ELAVL1: variants seen among roughly 807,000 people sequenced by gnomAD.
The protein encoded by ELAVL1 is ELAV like RNA binding protein 1.
A neutral mutation model predicts 28.4 loss-of-function variants in ELAVL1; 1 was observed. That is an observed-to-expected ratio of 0.04 (90% CI 0.01 to 0.17). The LOEUF is 0.17. Ranked by LOEUF, ELAVL1 falls within the 10% of genes least tolerant of loss-of-function variation. The pLI, the probability that ELAVL1 is intolerant of heterozygous loss-of-function variation, is 1.00. For synonymous variants in ELAVL1, 174 were observed against 183.5 expected (o/e 0.95, Z 0.42); for missense variants, 157 against 447.2 (o/e 0.35, Z 5.85).
chr19:7,959,068 A>C lies in ELAVL1; in HGVS notation c.*4415T>G, dbSNP rs2145194014. On this transcript the variant is annotated 3_prime_UTR_variant, in exon 6 of 6. Transcript: ENST00000407627. ...TTATTCACAAGGATTAAAAAAAAAAAATAAAAAGGCAATGGGCTGATGGAA... is the reference window on the plus strand; with the variant it reads ...TTATTCACAAGGATTAAAAAAAAAACATAAAAAGGCAATGGGCTGATGGAA... The C allele has an allele frequency of 6.5e-6, 1 of 153,538 alleles. No homozygotes were observed. The highest frequency in any genetic ancestry group is 1.9e-4 in the East Asian group (1 of 5,190). The allele number at this position is 153,538 out of a possible 1,614,324, so 9.5% of individuals were successfully genotyped here. A position where few individuals can be genotyped will look rare whatever the true frequency, so the allele number is the denominator to read the frequency against.
chr19:7,980,268 C>CGGGAGGCTCAG (rs1985420365), intron 3 of ELAVL1, among the ~76,000 whole-genome samples: 1 of 152,038 alleles, frequency 6.6e-6, no homozygotes, highest in Non-Finnish European at 1.5e-5. Flanking sequence ...GCCTGGGGCA[C>CGGGAGGCTCAG]GGGAGGCTCA....
At chr19:7,988,792 G>C (rs1190233948) in intron 2 of ELAVL1, among the ~76,000 whole-genome samples, 3 of 152,250 alleles carry the variant, frequency 2.0e-5, no homozygotes, top group Non-Finnish European at 4.4e-5. Context: ...CAGATGTGGA[G>C]GAACTCCGAG....
intron 1 of ELAVL1, among the ~76,000 whole-genome samples, chr19:7,996,096 G>A (rs1985866372): frequency 6.6e-6 from 1 of 151,624 alleles, no homozygotes; most frequent in African/African-American, 2.4e-5. Context: ...CGCTGGTCTT[G>A]AATTCCTGGT....
intron 1 of ELAVL1, among the ~76,000 whole-genome samples, chr19:8,003,482 G>A (rs2081076099): frequency 6.6e-6 from 1 of 151,180 alleles, no homozygotes; most frequent in South Asian, 2.1e-4. Context: ...CACAAGGTCA[G>A]GAGATCGAGA....
chr19:7,987,158 C>T lies in ELAVL1; in HGVS notation c.172+4486G>A, dbSNP rs1220528837. On this transcript the variant is annotated intron_variant, in intron 2 of 5. Coordinates refer to ENST00000407627, the MANE Select transcript of ELAVL1 (RefSeq NM_001419.3). Reference sequence around the variant, plus strand: ...GCAGCAAGTGGGGAGAGGGGGCAGGCGCCCAGGGGTGTCCCTACCCTCTTG... The same window carrying T: ...GCAGCAAGTGGGGAGAGGGGGCAGGTGCCCAGGGGTGTCCCTACCCTCTTG... Among the ~76,000 whole-genome samples the T allele has an allele frequency of 3.4e-5, 5 of 145,168 alleles. No homozygotes were observed. The East Asian group carries it at 1.0e-3, about 30-fold the overall frequency.
intron 3 of ELAVL1, among the ~76,000 whole-genome samples, chr19:7,977,245 A>G (rs1985324396): frequency 1.3e-5 from 2 of 152,130 alleles, no homozygotes; most frequent in African/African-American, 4.8e-5. Context: ...GGATCTCACA[A>G]TGTGCTGGGG....
intron 1 of ELAVL1, chr19:8,002,162 A>T (rs1207444176): frequency 7.8e-7 from 1 of 1,275,082 alleles, no homozygotes; most frequent in East Asian, 5.6e-5. Context: ...CTTTGAACAC[A>T]CGATGTTCTC....
rs1040387326 is a variant in ELAVL1, at chr19:7,995,088, T to A, written c.-16-3257A>T. On this transcript the variant is annotated intron_variant, in intron 1 of 5. Transcript: ENST00000407627. ...ACTTTCAGTAGCAGCTCGGGACCTA[T>A]AGACTTTAATCATGAGAAACTCCAC... 5.3e-5 allele frequency among the ~76,000 whole-genome samples: 8 copies of A among 152,326 alleles called. No homozygotes were observed. The South Asian group carries it at 1.7e-3, about 32-fold the overall frequency.
chr19:7,979,217 A>G lies in ELAVL1; in HGVS notation c.276+1866T>C, dbSNP rs1985386100. Among the ~76,000 whole-genome samples, 1 of 152,234 alleles carries G rather than the reference A, an allele frequency of 6.6e-6. No homozygotes were observed. The highest frequency in any genetic ancestry group is 2.4e-5 in the African/African-American group (1 of 41,472). On this transcript the variant is annotated intron_variant, in intron 3 of 5. Transcript: ENST00000407627. The surrounding 1 kb of genome is among the most constrained non-coding windows in gnomAD (Gnocchi z 5.4). Reference sequence around the variant, plus strand: ...CTGCAGAACTAGGACAGTGGTGTGAAGCCACTGAGAAGCAGACTCTGCCGG... The same window carrying G: ...CTGCAGAACTAGGACAGTGGTGTGAGGCCACTGAGAAGCAGACTCTGCCGG...
intron 4 of ELAVL1, 129 bp downstream of exon 4, chr19:7,973,596 A>G (rs1471050280): frequency 8.3e-7 from 1 of 1,198,678 alleles, no homozygotes; most frequent in East Asian, 2.5e-5. Context: ...ACGTCTTCTC[A>G]TTTTGGTGCT....
intron 1 of ELAVL1, 53 bp from the exon 2 acceptor site, chr19:7,991,884 G>T: frequency 7.0e-7 from 1 of 1,429,964 alleles, no homozygotes; most frequent in East Asian, 2.5e-5. Context: ...TGCAGTATAT[G>T]AAGGCAAAAC....
In ELAVL1 at chr19:7,959,254, T is replaced by G. The variant is rs1438984784; in HGVS notation, c.*4229A>C. On this transcript the variant is annotated 3_prime_UTR_variant, in exon 6 of 6. Coordinates refer to ENST00000407627, the MANE Select transcript of ELAVL1 (RefSeq NM_001419.3). ...AAACAAACCCATGTAAAAACAAAGT[T>G]AAAATGAAAAATGGCACCTGAAAAA... 1 of 152,526 alleles carries G rather than the reference T, an allele frequency of 6.6e-6. No homozygotes were observed. The highest frequency in any genetic ancestry group is 1.5e-5 in the Non-Finnish European group (1 of 68,028). 9.4% of individuals were successfully genotyped at this position (152,526 alleles called of 1,614,324 possible). A position where few individuals can be genotyped will look rare whatever the true frequency, so the allele number is the denominator to read the frequency against.
intron 1 of ELAVL1, among the ~76,000 whole-genome samples, chr19:7,995,662 C>CA (rs1490477557): frequency 5.3e-5 from 8 of 151,396 alleles, no homozygotes; most frequent in Admixed American, 3.9e-4. Context: ...GCTCTTCACA[C>CA]AAAAAAAATC....
intron 2 of ELAVL1, among the ~76,000 whole-genome samples, chr19:7,983,665 G>T (rs984141564): frequency 6.6e-6 from 1 of 152,194 alleles, no homozygotes; most frequent in Admixed American, 6.5e-5. Context: ...CTTGGCTGCG[G>T]CGCCTCAGGC....
intron 1 of ELAVL1, among the ~76,000 whole-genome samples, chr19:7,994,759 C>A (rs1985834750): frequency 6.6e-6 from 1 of 152,148 alleles, no homozygotes; most frequent in Admixed American, 6.6e-5. Context: ...CAAGACCAGT[C>A]TGGACAACAA....
At chr19:8,002,569 G>A (rs1407188176) in intron 1 of ELAVL1, among the ~76,000 whole-genome samples, 1 of 152,232 alleles carries the variant, frequency 6.6e-6, no homozygotes, top group Non-Finnish European at 1.5e-5. Context: ...ACCTAGGGGC[G>A]CCAGCCGGGC....
chr19:7,973,700 C>T, intron 4 of ELAVL1, 25 bp downstream of exon 4: 1 of 1,605,222 alleles, frequency 6.2e-7, no homozygotes, highest in Non-Finnish European at 8.5e-7. Flanking sequence ...ACACCCTCCC[C>T]ACGCGTCTGG....
At chr19:7,965,917 C>T (rs2145200043) in intron 5 of ELAVL1, among the ~76,000 whole-genome samples, 1 of 152,336 alleles carries the variant, frequency 6.6e-6, no homozygotes, top group South Asian at 2.1e-4. Flanking sequence ...AAGCCAGAAA[C>T]CTCAAGGAAG....
At chr19:7,972,324 G>A (rs1016331432) in intron 4 of ELAVL1, among the ~76,000 whole-genome samples, 10 of 152,248 alleles carry the variant, frequency 6.6e-5, no homozygotes, top group African/African-American at 9.6e-5. Flanking sequence ...TGCGGCAGGC[G>A]GGCCAGGCAG....
Sources: gnomAD v4.1 joint callset for allele counts (sites outside exome capture counted in the v4.1 genomes callset) on GRCh38, gnomAD v4.1.1 for gene constraint, Gnocchi (gnomAD v3.1) non-coding constraint, MANE v1.5 for transcripts, NCBI Gene and HGNC (gene_info 2026-07-23, HGNC 2026-07-21) for gene names.